Variants in NREP observed in about 807,000 individuals in gnomAD.
NREP encodes the protein neuronal regeneration related protein, also known as neuronal regeneration-related protein.
Under a neutral mutation model 8.6 loss-of-function variants are expected in NREP, and 5 were observed. The observed-to-expected ratio is 0.58, with a 90% CI of 0.30 to 1.22. The LOEUF is 1.22. Among genes scored for constraint, NREP ranks in the 50% most tolerant of loss-of-function variants. The probability of loss-of-function intolerance (pLI) is 0.07; values close to 1 mark genes in which losing one functional copy is unlikely to be tolerated. For synonymous variants in NREP, 27 were observed against 28.0 expected, an observed-to-expected ratio of 0.96 and a Z score of 0.11; for missense variants, 86 against 82.5, an observed-to-expected ratio of 1.04 and a Z score of -0.17.
chr5:111,904,157 A>G (rs560755252), intron 2 of NREP, among the ~76,000 whole-genome samples: 4 of 152,214 alleles, frequency 2.6e-5, no homozygotes, highest in Middle Eastern at 6.8e-3. Flanking sequence ...TCTATTATTA[A>G]TATCTTGCAT....
chr5:111,735,321 T>G (rs993498093), intron 3 of NREP, 109 bp downstream of exon 3: 2 of 647,052 alleles, frequency 3.1e-6, no homozygotes, highest in African/African-American at 3.6e-5. Context: ...GATTAATGGA[T>G]TGTTATAGCA....
intron 2 of NREP, among the ~76,000 whole-genome samples, chr5:111,878,962 G>T (rs879230088): frequency 6.6e-6 from 1 of 152,150 alleles, no homozygotes; most frequent in Non-Finnish European, 1.5e-5. Flanking sequence ...TGGATGTTTT[G>T]TCCCCTCCAA....
chr5:111,887,361 G>T (rs1754287038), intron 2 of NREP, among the ~76,000 whole-genome samples: 2 of 152,112 alleles, frequency 1.3e-5, no homozygotes, highest in Admixed American at 1.3e-4. Flanking sequence ...GTATTTCCAG[G>T]CAATTTTTTA....
At chr5:111,782,921 C>A (rs1333836512) in intron 2 of NREP, among the ~76,000 whole-genome samples, 2 of 151,922 alleles carry the variant, frequency 1.3e-5, no homozygotes, top group Non-Finnish European at 2.9e-5. Flanking sequence ...TTAAACGAGA[C>A]AAGGTTTCGC....
At chr5:111,868,399 TG>T (rs1753715386) in intron 2 of NREP, among the ~76,000 whole-genome samples, 1 of 152,190 alleles carries the variant, frequency 6.6e-6, no homozygotes. Flanking sequence ...AGGAGGTTTT[TG>T]TTCTTTGTTT....
chr5:111,748,354 C>T (rs954958134), intron 2 of NREP, among the ~76,000 whole-genome samples: 1 of 152,158 alleles, frequency 6.6e-6, no homozygotes, highest in Non-Finnish European at 1.5e-5. Context: ...GAATGCCTGA[C>T]TTATAACCAA....
At chr5:111,930,332 A>G (rs1313552832) in intron 2 of NREP, among the ~76,000 whole-genome samples, 1 of 152,180 alleles carries the variant, frequency 6.6e-6, no homozygotes, top group Non-Finnish European at 1.5e-5. Context: ...ACCAAATGAG[A>G]ATAAATGTAG....
At chr5:111,877,854 C>G (rs970940798) in intron 2 of NREP, among the ~76,000 whole-genome samples, 1 of 152,202 alleles carries the variant, frequency 6.6e-6, no homozygotes, top group Non-Finnish European at 1.5e-5. Flanking sequence ...GTGTTCCCCC[C>G]TCACCAACTA....
At chr5:111,947,627 G>A (rs1009839726) in intron 2 of NREP, among the ~76,000 whole-genome samples, 55 of 151,866 alleles carry the variant, frequency 3.6e-4, no homozygotes, top group African/African-American at 1.3e-3. Context: ...AACTAAATTA[G>A]AAAGAGAAAT....
chr5:111,808,945 T>C, intron 2 of NREP, among the ~76,000 whole-genome samples: 1 of 152,204 alleles, frequency 6.6e-6, no homozygotes, highest in Non-Finnish European at 1.5e-5. Context: ...ATTACACTAT[T>C]ATAATTATGT....
At chr5:111,756,387 T>G (rs1750713243) in intron 1 of NREP, 1 of 370,208 alleles carries the variant, frequency 2.7e-6, no homozygotes, top group Non-Finnish European at 3.7e-6. Context: ...CAAATAAACA[T>G]TAATGTACAT....
chr5:111,898,437 C>G (rs957031071), intron 2 of NREP, among the ~76,000 whole-genome samples: 4 of 152,038 alleles, frequency 2.6e-5, no homozygotes, highest in African/African-American at 9.7e-5. Flanking sequence ...TTGTTACCAA[C>G]TGAGACGGGG....
At chr5:111,834,430 C>G (rs56212326) in intron 2 of NREP, among the ~76,000 whole-genome samples, 2 of 152,054 alleles carry the variant, frequency 1.3e-5, no homozygotes, top group Non-Finnish European at 2.9e-5. Context: ...TAGTTATTTT[C>G]AAACTAATAA....
intron 2 of NREP, among the ~76,000 whole-genome samples, chr5:111,831,899 GT>G (rs1752777276): frequency 6.6e-6 from 1 of 152,152 alleles, no homozygotes; most frequent in South Asian, 2.1e-4. Flanking sequence ...CTCTTGTGGG[GT>G]TGACATCCCC....
chr5:111,757,610 C>T (rs907428066), upstream of NREP: 265 of 983,266 alleles, frequency 2.7e-4, no homozygotes, highest in Non-Finnish European at 3.1e-4. Context: ...GGCCAACAGG[C>T]GCGCGCGCCC....
chr5:111,950,902 A>G (rs1482747239), intron 2 of NREP, among the ~76,000 whole-genome samples: 1 of 152,094 alleles, frequency 6.6e-6, no homozygotes, highest in Non-Finnish European at 1.5e-5. Flanking sequence ...CCATTTGTGC[A>G]TCCTCCATGA....
chr5:111,895,008 T>G (rs1244641438), intron 2 of NREP, among the ~76,000 whole-genome samples: 2 of 152,224 alleles, frequency 1.3e-5, no homozygotes, highest in Non-Finnish European at 2.9e-5. Context: ...GAGTAGAAGT[T>G]TCCAGAGAAT....
intron 2 of NREP, among the ~76,000 whole-genome samples, chr5:111,921,340 G>A (rs556764632): frequency 2.2e-4 from 33 of 152,154 alleles, no homozygotes; most frequent in Admixed American, 1.6e-3. Context: ...CCAAAGACAG[G>A]AGCCATGATC....
chr5:111,776,136 G>A (rs1424357874), intron 2 of NREP, among the ~76,000 whole-genome samples: 1 of 152,200 alleles, frequency 6.6e-6, no homozygotes, highest in African/African-American at 2.4e-5. Flanking sequence ...GAGCAATTTG[G>A]TCATATAGAC....
Sources: allele counts gnomAD v4.1 joint callset (sites outside exome capture counted in the v4.1 genomes callset), GRCh38; gene constraint gnomAD v4.1.1; transcripts MANE v1.5; gene names NCBI Gene and HGNC (gene_info 2026-07-23, HGNC 2026-07-21).